Variants in TNKS2 observed in about 807,000 individuals in gnomAD.
TNKS2 encodes the protein poly [ADP-ribose] polymerase tankyrase-2.
A neutral mutation model predicts 137.6 loss-of-function variants in TNKS2; 72 were observed. The observed-to-expected ratio is 0.52, with a 90% CI of 0.43 to 0.64. The LOEUF (loss-of-function observed/expected upper bound fraction) is 0.64. Among genes scored for constraint, TNKS2 ranks in the 30% least tolerant of loss-of-function variants. The pLI, the probability that TNKS2 is intolerant of heterozygous loss-of-function variation, is 0.00. For synonymous variants in TNKS2, 516 were observed against 512.1 expected (o/e 1.01, Z -0.10); for missense variants, 1,049 against 1,410.2 (o/e 0.74, Z 4.10).
intron 13 of TNKS2, among the ~76,000 whole-genome samples, chr10:91,839,016 C>A (rs180907657): frequency 1.3e-5 from 2 of 152,062 alleles, no homozygotes; most frequent in Non-Finnish European, 1.5e-5. Flanking sequence ...TACAGGCGCC[C>A]GCCACCACGC....
intron 7 of TNKS2, among the ~76,000 whole-genome samples, chr10:91,823,358 C>T (rs2421704): frequency 0.7 from 92,104 of 132,214 alleles, 32,973 homozygotes; most frequent in East Asian, 0.9. Flanking sequence ...GACGGAGTCT[C>T]GCTCTGTCGC....
chr10:91,798,829 G>A lies in TNKS2; in HGVS notation c.139G>A (p.Glu47Lys). 1 of 1,358,654 alleles carries A rather than the reference G, an allele frequency of 7.4e-7. No homozygotes were observed. Among genetic ancestry groups the A allele is most frequent in the Non-Finnish European group, 9.6e-7 (1 of 1,047,058 alleles). 84.2% of individuals were successfully genotyped at this position (1,358,654 alleles called of 1,614,324 possible). A position where few individuals can be genotyped will look rare whatever the true frequency, so the allele number is the denominator to read the frequency against. The change falls in exon 1 of 27, where the codon GAG (glutamate) becomes AAG (lysine). Residue 47 changes from glutamate to lysine, a missense_variant. By Grantham distance (56) the Glu-to-Lys change is moderately conservative. Around this residue, in one of 6 missense-constraint regions of TNKS2, gnomAD observed 374 missense variants for 460.8 expected, o/e 0.81. Coordinates refer to ENST00000371627, the MANE Select transcript of TNKS2 (RefSeq NM_025235.4). ...VERVKRLVTP[E>K]KVNSRDTAGR... The stretch of plus-strand genomic sequence containing the variant: ...ACGAGTCAAGAGGCTGGTGACGCCT[G>A]AGAAGGTGAACAGCCGCGACACGGC...
At chr10:91,803,174 A>C (rs920528149) in intron 1 of TNKS2, among the ~76,000 whole-genome samples, 5 of 152,226 alleles carry the variant, frequency 3.3e-5, no homozygotes, top group Non-Finnish European at 5.9e-5. Context: ...GTTCTTAAGA[A>C]GTATATGTGG....
chr10:91,827,001 G>A lies in TNKS2; in HGVS notation c.796-16G>A, dbSNP rs1425765542. The A allele has an allele frequency of 6.6e-7, 1 of 1,509,304 alleles. No homozygotes were observed. Among genetic ancestry groups the A allele is most frequent in the Admixed American group, 2.2e-5 (1 of 44,458 alleles). 93.5% of individuals were successfully genotyped at this position (1,509,304 alleles called of 1,614,324 possible). ...TTTAAAAATTGAACATTAAATATAT[G>A]CTTTTTGCTCTCCAGCATGGTGCCT... On this transcript the variant is annotated splice_polypyrimidine_tract_variant and intron_variant, in intron 7 of 26. Transcript: ENST00000371627.
intron 24 of TNKS2, among the ~76,000 whole-genome samples, chr10:91,858,363 T>C (rs1842766411): frequency 6.6e-6 from 1 of 152,194 alleles, no homozygotes; most frequent in African/African-American, 2.4e-5. Flanking sequence ...TTTATTTATC[T>C]GTTAATTGAT....
At chr10:91,840,502 G>C (rs1842177281) in intron 13 of TNKS2, 59 bp from the exon 14 acceptor site, 1 of 1,491,070 alleles carries the variant, frequency 6.7e-7, no homozygotes, top group Non-Finnish European at 9.1e-7. Context: ...TAAATGACTT[G>C]AAACAAGAAA....
At position 91,851,249 on chromosome 10, in the gene TNKS2, A is replaced by C; in HGVS notation, c.2728A>C (p.Lys910Gln). The C allele has an allele frequency of 6.2e-7, 1 of 1,613,446 alleles. No homozygotes were observed. The highest frequency in any genetic ancestry group is 8.5e-7 in the Non-Finnish European group (1 of 1,179,824). The change falls in exon 21 of 27, where the codon AAG becomes CAG. Residue 910 changes from lysine to glutamine, a missense_variant. Lys to Gln is a moderately conservative substitution (Grantham distance 53). Transcript: ENST00000371627. ...TLDVLVEMGH[K>Q]ELKEIGINAY... is the part of the protein sequence containing the mutation. ...GGATGTATTAGTTGAGATGGGGCAC[A>C]AGGAGCTGAAGGAGATTGGAATCAA... is the stretch of plus-strand genomic sequence containing the variant.
intron 11 of TNKS2, among the ~76,000 whole-genome samples, chr10:91,832,092 C>G (rs182898274): frequency 3.7e-4 from 56 of 152,216 alleles, no homozygotes; most frequent in South Asian, 2.1e-3. Flanking sequence ...TGTGTTGCCT[C>G]TCTGTGTCTT....
intron 12 of TNKS2, 155 bp from the exon 13 acceptor site, chr10:91,836,763 TC>T: frequency 1.0e-6 from 1 of 985,412 alleles, no homozygotes; most frequent in Non-Finnish European, 1.2e-6. Flanking sequence ...TATTTTTCAC[TC>T]CCCAACCCTC....
chr10:91,798,724 G>A lies in TNKS2; in HGVS notation c.34G>A (p.Ala12Thr). Reference sequence around the variant, plus strand: ...TCGCCGCTGCGCCGGCGGGGGAGCGGCCTGCGCGAGCGCCGCGGCCGAGGC... The same window carrying A: ...TCGCCGCTGCGCCGGCGGGGGAGCGACCTGCGCGAGCGCCGCGGCCGAGGC... ...SGRRCAGGGA[A>T]CASAAAEAVE... The change falls in exon 1 of 27, where the codon GCC becomes ACC. Residue 12 changes from alanine to threonine, a missense_variant. Ala to Thr is a moderately conservative substitution (Grantham distance 58, BLOSUM62 0). Transcript: ENST00000371627. 2.4e-6 allele frequency: 3 copies of A among 1,241,572 alleles called. No individual in the cohort carries two copies. Among genetic ancestry groups the A allele is most frequent in the Non-Finnish European group, 3.0e-6 (3 of 988,796 alleles). The allele number at this position is 1,241,572 out of a possible 1,614,324, so 76.9% of individuals were successfully genotyped here.
chr10:91,798,538 C>T lies in TNKS2; in HGVS notation c.-153C>T. The T allele has an allele frequency of 1.1e-6, 1 of 919,118 alleles. No individual in the cohort carries two copies. Among genetic ancestry groups the T allele is most frequent in the East Asian group, 3.9e-5 (1 of 25,944 alleles). 56.9% of individuals were successfully genotyped at this position (919,118 alleles called of 1,614,324 possible). A position where few individuals can be genotyped will look rare whatever the true frequency, so the allele number is the denominator to read the frequency against. ...AGCGAGGGGCGCGCGTGGGCGCGGC[C>T]ATGGGACTGCGCCGGATCCGGTGAC... On this transcript the variant is annotated 5_prime_UTR_variant, in exon 1 of 27. Transcript: ENST00000371627.
chr10:91,799,737 A>C (rs1016051290), intron 1 of TNKS2, among the ~76,000 whole-genome samples: 14 of 152,260 alleles, frequency 9.2e-5, no homozygotes, highest in Admixed American at 4.6e-4. Flanking sequence ...CCCATAAAGC[A>C]TGCATGCTGT....
chr10:91,836,720 T>C lies in TNKS2; in HGVS notation c.1448-199T>C, dbSNP rs1258310973. ...TACACATTTACATATTTTGCTTATA[T>C]GTGTTGTATTTCAAAGAGTTTTAAG... is the stretch of plus-strand genomic sequence containing the variant. On this transcript the variant is annotated intron_variant, in intron 12 of 26. Transcript: ENST00000371627. 7.1e-6 allele frequency: 7 copies of C among 985,316 alleles called. No individual in the cohort carries two copies. In the African/African-American group the frequency reaches 1.0e-4, roughly 15 times the overall value. The allele number at this position is 985,316 out of a possible 1,614,324, so 61.0% of individuals were successfully genotyped here.
intron 22 of TNKS2, 143 bp from the exon 23 acceptor site, chr10:91,855,471 C>G: frequency 1.4e-6 from 1 of 739,628 alleles, no homozygotes; most frequent in Admixed American, 3.2e-5. Context: ...ATGCCCAGCC[C>G]TCATATTCTT....
In TNKS2 at chr10:91,862,081, C is replaced by T; in HGVS notation, c.3364C>T (p.His1122Tyr). 3 of 1,613,388 alleles carry T rather than the reference C, an allele frequency of 1.9e-6. No individual in the cohort carries two copies. The highest frequency in any genetic ancestry group is 2.5e-6 in the Non-Finnish European group (3 of 1,179,536). Reference sequence around the variant, plus strand: ...GAAAATGGCACATTCTCCTCCAGGTCATCACTCAGTCACTGGTAGGCCCAG... The same window carrying T: ...GAAAATGGCACATTCTCCTCCAGGTTATCACTCAGTCACTGGTAGGCCCAG... ...AMKMAHSPPGHHSVTGRPSVN... is the reference protein window; with the variant it reads ...AMKMAHSPPGYHSVTGRPSVN... Residue 1122 changes from histidine to tyrosine, a missense_variant, in exon 26 of 27, where the codon CAT (histidine) becomes TAT (tyrosine). By Grantham distance (83) the His-to-Tyr change is moderately conservative (BLOSUM62 2). This residue lies in a region of TNKS2 where 133 missense variants were observed against 248.4 expected (regional missense o/e 0.54). Coordinates refer to ENST00000371627, the MANE Select transcript of TNKS2 (RefSeq NM_025235.4).
intron 2 of TNKS2, among the ~76,000 whole-genome samples, chr10:91,813,817 C>T (rs1844585726): frequency 1.3e-5 from 2 of 152,116 alleles, no homozygotes; most frequent in African/African-American, 4.8e-5. Flanking sequence ...TGAAAAATTC[C>T]TGTCACCTAC....
chr10:91,834,453 T>C (rs1841931058), intron 12 of TNKS2, among the ~76,000 whole-genome samples: 1 of 151,996 alleles, frequency 6.6e-6, no homozygotes, highest in Non-Finnish European at 1.5e-5. Flanking sequence ...AAGATTTAGA[T>C]CAAATATCTA....
At chr10:91,832,802 A>AT (rs550945407) in intron 11 of TNKS2, among the ~76,000 whole-genome samples, 19 of 149,712 alleles carry the variant, frequency 1.3e-4, no homozygotes, top group Admixed American at 2.0e-4. Flanking sequence ...CTTACAGGTG[A>AT]TTTTTTTTTT....
intron 9 of TNKS2, among the ~76,000 whole-genome samples, chr10:91,830,118 C>T (rs1188408791): frequency 6.6e-6 from 1 of 152,092 alleles, no homozygotes; most frequent in African/African-American, 2.4e-5. Context: ...CTTATTCTGC[C>T]GAAGCAACTA....
Sources: allele counts gnomAD v4.1 joint callset (sites outside exome capture counted in the v4.1 genomes callset), GRCh38; gene constraint gnomAD v4.1.1; regional missense constraint gnomAD v4.1.1; transcripts MANE v1.5; gene names NCBI Gene and HGNC (gene_info 2026-07-23, HGNC 2026-07-21).